Variants in GAS7 observed in about 807,000 individuals in gnomAD.
GAS7 encodes growth arrest specific 7.
In GAS7, 28 loss-of-function variants were observed where a neutral mutation model predicts 71.1. That is an observed-to-expected ratio of 0.39 (90% CI 0.29 to 0.54). GAS7 has a LOEUF of 0.54. GAS7 is among the 20% of genes least tolerant of loss of function. GAS7 has a pLI of 0.62. For missense variants in GAS7, 436 were observed against 627.8 expected, an observed-to-expected ratio of 0.69 and a Z score of 3.27; for synonymous variants, 258 against 245.8, an observed-to-expected ratio of 1.05 and a Z score of -0.46.
chr17:10,198,327 G>T lies in GAS7; in HGVS notation c.64C>A (p.Arg22Ser), dbSNP rs2074556105. 2 of 1,600,596 alleles carry T rather than the reference G, an allele frequency of 1.2e-6. No homozygotes were observed. ...GTGATCAGCTCGCCCGCGGCGAAGC[G>T]CAGCCCCTGGCCGTGCCGCTCCCCG... is the stretch of plus-strand genomic sequence containing the variant. ...FSGERHGQGL[R>S]FAAGELITLL... The change falls in exon 1 of 14, where the codon CGC (arginine) becomes AGC (serine). Residue 22 changes from arginine to serine, a missense_variant. Transcript: ENST00000432992.
chr17:9,992,457 G>A (rs1463546736), intron 2 of GAS7, among the ~76,000 whole-genome samples: 1 of 152,076 alleles, frequency 6.6e-6, no homozygotes. Context: ...TGCAGTGAGG[G>A]AAGCCCGGAG....
intron 1 of GAS7, among the ~76,000 whole-genome samples, chr17:10,141,329 T>C (rs1019843329): frequency 6.6e-6 from 1 of 152,076 alleles, no homozygotes; most frequent in Non-Finnish European, 1.5e-5. Flanking sequence ...GAGCCTGTAG[T>C]CCCAGCTACT....
chr17:10,190,730 C>G (rs1292432387), intron 1 of GAS7, among the ~76,000 whole-genome samples: 5 of 151,838 alleles, frequency 3.3e-5, no homozygotes, highest in African/African-American at 9.7e-5. Context: ...AAGTTTAGAG[C>G]AGGGGTGTCC....
rs2070426600 is a variant in GAS7 at position 9,981,946 on chromosome 17, A to C, written c.305-62T>G. 1 of 917,704 alleles carries C rather than the reference A, an allele frequency of 1.1e-6. No individual in the cohort carries two copies. Among genetic ancestry groups the C allele is most frequent in the South Asian group, 1.3e-5 (1 of 75,996 alleles). The allele number at this position is 917,704 out of a possible 1,614,324, so 56.8% of individuals were successfully genotyped here. ...TGTCACAGGGCAGAACCTGAGTTTC[A>C]CAGAGCAGAAGGAGATGCTCAGAGC... On this transcript the variant is annotated intron_variant, in intron 2 of 13. Coordinates refer to ENST00000432992, the MANE Select transcript of GAS7 (RefSeq NM_201433.2). This position sits in a 1 kb window ranked among gnomAD's most constrained non-coding sequence, Gnocchi z 4.4.
At chr17:10,130,035 GGC>G (rs1435122776) in intron 1 of GAS7, among the ~76,000 whole-genome samples, 5 of 152,044 alleles carry the variant, frequency 3.3e-5, no homozygotes, top group African/African-American at 7.2e-5. Flanking sequence ...CAGGTGTGGT[GGC>G]GCGCGCCTGT....
chr17:10,198,455 G>T lies in GAS7; in HGVS notation c.-65C>A. On this transcript the variant is annotated 5_prime_UTR_variant, in exon 1 of 14. Coordinates refer to ENST00000432992, the MANE Select transcript of GAS7 (RefSeq NM_201433.2). The stretch of plus-strand genomic sequence containing the variant: ...GCCGAGCCCCACGGGCTGGGCAGCG[G>T]CTCCGCGGGGTCCCAGGCGCCCGGC... The T allele has an allele frequency of 8.1e-7, 1 of 1,236,874 alleles. No individual in the cohort carries two copies. The highest frequency in any genetic ancestry group is 1.1e-6 in the Non-Finnish European group (1 of 951,260). 76.6% of individuals were successfully genotyped at this position (1,236,874 alleles called of 1,614,324 possible).
At chr17:10,052,562 G>A (rs954718458) in intron 1 of GAS7, among the ~76,000 whole-genome samples, 1 of 152,242 alleles carries the variant, frequency 6.6e-6, no homozygotes, top group Non-Finnish European at 1.5e-5. Flanking sequence ...GAGCAGTTTT[G>A]TTTTTCAGCT....
intron 2 of GAS7, among the ~76,000 whole-genome samples, chr17:10,008,047 T>G (rs968072266): frequency 3.3e-5 from 5 of 152,240 alleles, no homozygotes; most frequent in African/African-American, 1.2e-4. Context: ...CGTTGTAGCA[T>G]GTATCAGCCA....
chr17:10,070,336 C>T lies in GAS7; in HGVS notation c.184-50439G>A, dbSNP rs773776781. Among the ~76,000 whole-genome samples the T allele has an allele frequency of 2.9e-5, 4 of 140,178 alleles. No individual in the cohort carries two copies. In the East Asian group the frequency reaches 6.3e-4, roughly 22 times the overall value. The allele number at this position is 140,178 out of a possible 152,430, so 92.0% of individuals were successfully genotyped here. On this transcript the variant is annotated intron_variant, in intron 1 of 13. Transcript: ENST00000432992. ...CAGCCCAGCTCTCCCTTCGTTCTCT[C>T]TCTTCTTTTTTTTTTTTTTTTTTTT...
intron 1 of GAS7, among the ~76,000 whole-genome samples, chr17:10,164,495 T>G (rs936683783): frequency 1.3e-5 from 2 of 150,412 alleles, no homozygotes; most frequent in Admixed American, 6.6e-5. Flanking sequence ...CAGAGAAAAT[T>G]GTCCTAGAAA....
chr17:10,075,908 C>G (rs1482479378), intron 1 of GAS7, among the ~76,000 whole-genome samples: 1 of 151,618 alleles, frequency 6.6e-6, no homozygotes, highest in Non-Finnish European at 1.5e-5. Flanking sequence ...AGACCAACCC[C>G]TCGACCAACA....
At chr17:9,962,247 C>T (rs1488464384) in intron 4 of GAS7, among the ~76,000 whole-genome samples, 1 of 151,736 alleles carries the variant, frequency 6.6e-6, no homozygotes, top group African/African-American at 2.4e-5. Flanking sequence ...TATACACACA[C>T]ACACACACAC....
At chr17:10,071,757 A>AAATAATAATAAT (rs148705126) in intron 1 of GAS7, among the ~76,000 whole-genome samples, 12 of 150,654 alleles carry the variant, frequency 8.0e-5, no homozygotes, top group African/African-American at 2.7e-4. Flanking sequence ...AAACCCCTTC[A>AAATAATAATAAT]AATAATAATA....
chr17:9,995,540 CAA>C (rs34223707), intron 2 of GAS7, among the ~76,000 whole-genome samples: 13,633 of 143,146 alleles, frequency 0.095, 713 homozygotes, highest in African/African-American at 0.14. Context: ...TGATCAATAA[CAA>C]AAAAAAAAAA....
In GAS7 at chr17:9,981,721, C is replaced by A. The variant is rs1027596455; in HGVS notation, c.385+83G>T. Reference sequence around the variant, plus strand: ...TTTGCTACATCAGCCAGGTTTAAGACCCAGGACCCATCATCTCAGCCTCTC... The same window carrying A: ...TTTGCTACATCAGCCAGGTTTAAGAACCAGGACCCATCATCTCAGCCTCTC... On this transcript the variant is annotated intron_variant, in intron 3 of 13. Transcript: ENST00000432992. This position sits in a 1 kb window ranked among gnomAD's most constrained non-coding sequence, Gnocchi z 4.4. 2 of 856,444 alleles carry A rather than the reference C, an allele frequency of 2.3e-6. No homozygotes were observed. The highest frequency in any genetic ancestry group is 4.0e-6 in the Non-Finnish European group (2 of 498,650). The allele number at this position is 856,444 out of a possible 1,614,324, so 53.1% of individuals were successfully genotyped here. A position where few individuals can be genotyped will look rare whatever the true frequency, so the allele number is the denominator to read the frequency against.
At chr17:10,100,347 A>C (rs932979993) in intron 1 of GAS7, among the ~76,000 whole-genome samples, 4 of 152,150 alleles carry the variant, frequency 2.6e-5, no homozygotes, top group Non-Finnish European at 4.4e-5. Flanking sequence ...GTGTGGATTC[A>C]GGCACATGGA....
chr17:10,078,077 G>GTGTTT (rs201341780), intron 1 of GAS7, among the ~76,000 whole-genome samples: 2,893 of 149,928 alleles, frequency 0.019, 37 homozygotes, highest in African/African-American at 0.029. Context: ...GTGTGTGTGT[G>GTGTTT]TGTTTTGTTT....
rs2067556174 is a variant in GAS7 at position 9,915,409 on chromosome 17, T to C, written c.*1819A>G. The C allele has an allele frequency of 4.3e-6, 1 of 230,648 alleles. No individual in the cohort carries two copies. The highest frequency in any genetic ancestry group is 2.2e-5 in the African/African-American group (1 of 45,194). The allele number at this position is 230,648 out of a possible 1,614,324, so 14.3% of individuals were successfully genotyped here. A position where few individuals can be genotyped will look rare whatever the true frequency, so the allele number is the denominator to read the frequency against. On this transcript the variant is annotated 3_prime_UTR_variant, in exon 14 of 14. Transcript: ENST00000432992. ...ATTCTAAAATTGGTAGCTGGTGTCA[T>C]GACCCAACCCCAGATCTGGACAGAG...
chr17:10,065,507 G>A (rs922442768), intron 1 of GAS7, among the ~76,000 whole-genome samples: 4 of 152,228 alleles, frequency 2.6e-5, no homozygotes, highest in African/African-American at 9.6e-5. Flanking sequence ...TTGGCTTGTG[G>A]CTGCATCACT....
Sources: allele counts gnomAD v4.1 joint callset (sites outside exome capture counted in the v4.1 genomes callset), GRCh38; gene constraint gnomAD v4.1.1; non-coding constraint Gnocchi (gnomAD v3.1); transcripts MANE v1.5; gene names NCBI Gene and HGNC (gene_info 2026-07-23, HGNC 2026-07-21).